The following CPHXL2 variants were observed in gnomAD, a reference collection of about 807,000 sequenced individuals.
CPHXL2 encodes cytoplasmic polyadenylated homeobox like 2.
At chr16:75,663,118 T>C in the CPHXL2 span, among the ~76,000 whole-genome samples, 3 of 152,208 alleles carry the variant, frequency 2.0e-5, no homozygotes, top group East Asian at 3.9e-4. Flanking sequence ...GTAATTCTTA[T>C]AGTTCAGGCT....
chr16:75,661,935 ACCAGCTGGGTGTCCT>A, the CPHXL2 span, among the ~76,000 whole-genome samples: 1 of 152,200 alleles, frequency 6.6e-6, no homozygotes, highest in African/African-American at 2.4e-5. Flanking sequence ...TGCAGTGCAC[ACCAGCTGGGTGTCCT>A]CCAATTCAAT....
the CPHXL2 span, among the ~76,000 whole-genome samples, chr16:75,672,757 T>C: frequency 2.0e-5 from 3 of 152,146 alleles, no homozygotes; most frequent in African/African-American, 7.2e-5. Flanking sequence ...CCCAAAGTGT[T>C]GGGATACAGG....
the CPHXL2 span, chr16:75,669,332 CT>C: frequency 2.6e-6 from 1 of 385,628 alleles, no homozygotes; most frequent in Non-Finnish European, 4.5e-6. Flanking sequence ...AAAAAAAAAT[CT>C]AAGAAACATG....
At chr16:75,670,686 AG>A in the CPHXL2 span, among the ~76,000 whole-genome samples, 1 of 151,924 alleles carries the variant, frequency 6.6e-6, no homozygotes, top group Admixed American at 6.6e-5. Flanking sequence ...AGCAGAAATG[AG>A]GTTTCCCCAT....
chr16:75,672,939 G>A, the CPHXL2 span, among the ~76,000 whole-genome samples: 1 of 152,022 alleles, frequency 6.6e-6, no homozygotes, highest in South Asian at 2.1e-4. Flanking sequence ...AAATTAGCAT[G>A]TGTGGTGGCA....
chr16:75,662,470 C>T, the CPHXL2 span, among the ~76,000 whole-genome samples: 1 of 151,992 alleles, frequency 6.6e-6, no homozygotes, highest in African/African-American at 2.4e-5. Flanking sequence ...AGTCCCAACC[C>T]TCTAATCCTG....
At chr16:75,666,211 CT>C in the CPHXL2 span, among the ~76,000 whole-genome samples, 1 of 152,090 alleles carries the variant, frequency 6.6e-6, no homozygotes, top group South Asian at 2.1e-4. Flanking sequence ...GGTAAAAGGC[CT>C]TGTACAACAG....
the CPHXL2 span, among the ~76,000 whole-genome samples, chr16:75,672,900 CAAAAACA>C: frequency 6.6e-6 from 1 of 150,560 alleles, no homozygotes. Context: ...AAAACAAAAA[CAAAAACA>C]AAAAACAAAA....
chr16:75,669,328 A>AT, the CPHXL2 span: 1 of 400,106 alleles, frequency 2.5e-6, no homozygotes, highest in Non-Finnish European at 4.4e-6. Flanking sequence ...AAAAAAAAAA[A>AT]AATCTAAGAA....
chr16:75,671,115 G>C, the CPHXL2 span, among the ~76,000 whole-genome samples: 2 of 152,242 alleles, frequency 1.3e-5, no homozygotes, highest in East Asian at 3.9e-4. Flanking sequence ...GTGTGCGCCG[G>C]CTCACGCCTA....
At chr16:75,663,840 C>A in the CPHXL2 span, among the ~76,000 whole-genome samples, 2 of 141,734 alleles carry the variant, frequency 1.4e-5, no homozygotes, top group African/African-American at 5.5e-5. Flanking sequence ...GAGCTGAGAT[C>A]GTGCCACTGC....
chr16:75,673,291 T>C, the CPHXL2 span, among the ~76,000 whole-genome samples: 4 of 151,412 alleles, frequency 2.6e-5, no homozygotes, highest in African/African-American at 9.7e-5. Context: ...AAAAATTAGC[T>C]GGGCATGGAG....
chr16:75,676,754 C>G, the CPHXL2 span, among the ~76,000 whole-genome samples: 50 of 152,268 alleles, frequency 3.3e-4, no homozygotes, highest in African/African-American at 1.1e-3. Flanking sequence ...TTTTGTCTGT[C>G]TAAAAACTAA....
chr16:75,666,050 T>C, the CPHXL2 span, among the ~76,000 whole-genome samples: 2 of 152,082 alleles, frequency 1.3e-5, no homozygotes, highest in African/African-American at 4.8e-5. Context: ...ACCTAACATG[T>C]AAGAACTCAC....
the CPHXL2 span, among the ~76,000 whole-genome samples, chr16:75,676,351 C>T: frequency 3.9e-5 from 6 of 152,046 alleles, no homozygotes; most frequent in Non-Finnish European, 1.5e-5. Context: ...AGAGACAAGG[C>T]CTCACTCTGT....
chr16:75,660,841 C>T, the CPHXL2 span: 3 of 398,516 alleles, frequency 7.5e-6, no homozygotes, highest in Admixed American at 4.4e-5. Context: ...CTTCCTGTGT[C>T]ACCTCCATAC....
the CPHXL2 span, among the ~76,000 whole-genome samples, chr16:75,662,948 G>A: frequency 6.6e-6 from 1 of 151,978 alleles, no homozygotes; most frequent in African/African-American, 2.4e-5. Flanking sequence ...ACAGGTGCCC[G>A]CCACCAAGCC....
At chr16:75,662,229 G>A in the CPHXL2 span, among the ~76,000 whole-genome samples, 9 of 152,052 alleles carry the variant, frequency 5.9e-5, no homozygotes, top group African/African-American at 2.2e-4. Context: ...GGGGTGCAGA[G>A]CTTTCATGCC....
the CPHXL2 span, among the ~76,000 whole-genome samples, chr16:75,675,331 T>C: frequency 6.6e-6 from 1 of 151,602 alleles, no homozygotes; most frequent in African/African-American, 2.4e-5. Context: ...ATTGATATTA[T>C]ATTTAATTAT....
Sources: allele counts gnomAD v4.1 joint callset (sites outside exome capture counted in the v4.1 genomes callset), GRCh38; gene constraint gnomAD v4.1.1; transcripts MANE v1.5; gene names NCBI Gene and HGNC (gene_info 2026-07-23, HGNC 2026-07-21).